The following CLVS1 variants were observed in gnomAD, a reference collection of about 807,000 sequenced individuals.
The protein encoded by CLVS1 is clavesin-1.
A neutral mutation model predicts 33.1 loss-of-function variants in CLVS1; 10 were observed. That is an observed-to-expected ratio of 0.30 (90% CI 0.19 to 0.51). The LOEUF (loss-of-function observed/expected upper bound fraction) is 0.51, where lower values mean the gene tolerates loss of function less well. Ranked by LOEUF, CLVS1 falls within the 20% of genes least tolerant of loss-of-function variation. The pLI, the probability that CLVS1 is intolerant of heterozygous loss-of-function variation, is 0.97. For missense variants in CLVS1, 343 were observed against 433.4 expected, an observed-to-expected ratio of 0.79 and a Z score of 1.85; for synonymous variants, 163 against 166.1, an observed-to-expected ratio of 0.98 and a Z score of 0.14.
chr8:61,162,209 C>T, intron 2 of CLVS1, among the ~76,000 whole-genome samples: 1 of 152,188 alleles, frequency 6.6e-6, no homozygotes, highest in Non-Finnish European at 1.5e-5. Flanking sequence ...TTTCTTCTCC[C>T]CTATGAAGAA....
chr8:61,064,509 G>A (rs1476408127), intron 1 of CLVS1, among the ~76,000 whole-genome samples: 1 of 151,340 alleles, frequency 6.6e-6, no homozygotes, highest in Admixed American at 6.6e-5. Context: ...ATCTTCTTTG[G>A]AGAAATGTCT....
intron 5 of CLVS1, among the ~76,000 whole-genome samples, chr8:61,459,306 ATGAG>A (rs1485604940): frequency 6.6e-6 from 1 of 152,094 alleles, no homozygotes; most frequent in African/African-American, 2.4e-5. Flanking sequence ...AGATTGATAA[ATGAG>A]TATTTTCTCA....
At chr8:61,142,083 C>T (rs1177761299) in intron 2 of CLVS1, among the ~76,000 whole-genome samples, 1 of 152,192 alleles carries the variant, frequency 6.6e-6, no homozygotes, top group African/African-American at 2.4e-5. Flanking sequence ...CTCACAATAG[C>T]CAGTGATATG....
chr8:61,275,264 C>T (rs1241360895), intron 2 of CLVS1, among the ~76,000 whole-genome samples: 1 of 152,078 alleles, frequency 6.6e-6, no homozygotes, highest in Non-Finnish European at 1.5e-5. Flanking sequence ...ATTACTGCTG[C>T]CTTATTCCTG....
chr8:61,442,686 A>G (rs1249026657), intron 3 of CLVS1, among the ~76,000 whole-genome samples: 2 of 151,646 alleles, frequency 1.3e-5, no homozygotes, highest in African/African-American at 4.9e-5. Flanking sequence ...CACAACCTCC[A>G]CCTCCCGGAT....
intron 2 of CLVS1, among the ~76,000 whole-genome samples, chr8:61,260,659 G>C (rs1232239630): frequency 1.3e-5 from 2 of 152,298 alleles, no homozygotes; most frequent in African/African-American, 4.8e-5. Flanking sequence ...TATAAAAGGA[G>C]GAGATAAAGA....
At chr8:61,277,840 A>G (rs912333564) in intron 2 of CLVS1, among the ~76,000 whole-genome samples, 2 of 152,200 alleles carry the variant, frequency 1.3e-5, no homozygotes, top group Non-Finnish European at 2.9e-5. Context: ...CAGCTTATAT[A>G]TCATCTTCGA....
chr8:61,481,605 A>C (rs1818197968), intron 5 of CLVS1, among the ~76,000 whole-genome samples: 1 of 152,220 alleles, frequency 6.6e-6, no homozygotes, highest in Non-Finnish European at 1.5e-5. Context: ...CACTGCTAGC[A>C]CAGCAGTCTG....
chr8:61,003,084 C>T, the CLVS1 span, among the ~76,000 whole-genome samples: 40 of 152,078 alleles, frequency 2.6e-4, no homozygotes, highest in African/African-American at 8.9e-4. Context: ...ATAGAGAGAG[C>T]GGTTTCTGAG....
At chr8:61,336,492 C>T (rs1212135788) in intron 2 of CLVS1, among the ~76,000 whole-genome samples, 1 of 152,136 alleles carries the variant, frequency 6.6e-6, no homozygotes, top group Non-Finnish European at 1.5e-5. Context: ...ACCAGAGAAA[C>T]CTCTGCCCGG....
In CLVS1 at chr8:61,102,598, T is replaced by C. The variant is rs2129286711; in HGVS notation, c.-242-29172T>C. ...CTGGCTGCCTATTATTTTGTGTTTTTGCCTAGTTGCCCTGGCTGAAAATTA... is the reference window on the plus strand; with the variant it reads ...CTGGCTGCCTATTATTTTGTGTTTTCGCCTAGTTGCCCTGGCTGAAAATTA... On this transcript the variant is annotated intron_variant, in intron 1 of 2. Coordinates refer to the CLVS1 transcript ENST00000522621. Among the ~76,000 whole-genome samples, 2 of 152,330 alleles carry C rather than the reference T, an allele frequency of 1.3e-5. 1 individual carries two copies. The highest frequency in any genetic ancestry group is 4.1e-4 in the South Asian group (2 of 4,832).
At chr8:61,354,279 G>C (rs1035491882) in intron 2 of CLVS1, among the ~76,000 whole-genome samples, 3 of 151,910 alleles carry the variant, frequency 2.0e-5, no homozygotes, top group African/African-American at 7.2e-5. Flanking sequence ...ACGCCTACCA[G>C]AATACCTAAA....
the CLVS1 span, among the ~76,000 whole-genome samples, chr8:60,989,253 T>C: frequency 1.3e-5 from 2 of 152,172 alleles, no homozygotes; most frequent in Non-Finnish European, 2.9e-5. Flanking sequence ...TGATCTCGGC[T>C]CACTGCAATC....
At chr8:61,036,769 C>A in the CLVS1 span, among the ~76,000 whole-genome samples, 2 of 152,210 alleles carry the variant, frequency 1.3e-5, no homozygotes, top group Non-Finnish European at 2.9e-5. Flanking sequence ...ACCTTGCTAA[C>A]GTTTGCCATT....
intron 3 of CLVS1, among the ~76,000 whole-genome samples, chr8:61,386,438 T>C (rs140629831): frequency 2.0e-5 from 3 of 152,300 alleles, no homozygotes; most frequent in African/African-American, 7.2e-5. Context: ...CTCTCACATA[T>C]CAAATTTAAA....
intron 3 of CLVS1, among the ~76,000 whole-genome samples, chr8:61,404,232 A>G (rs1478441394): frequency 1.3e-5 from 2 of 152,274 alleles, no homozygotes; most frequent in South Asian, 4.1e-4. Flanking sequence ...CAGAGTTGAC[A>G]TTTCTATCTC....
At chr8:60,991,943 T>A in the CLVS1 span, among the ~76,000 whole-genome samples, 1 of 152,110 alleles carries the variant, frequency 6.6e-6, no homozygotes, top group East Asian at 1.9e-4. Context: ...AGACGGGGTT[T>A]CACCATGTTG....
chr8:61,256,733 C>A (rs1019035370), intron 2 of CLVS1, among the ~76,000 whole-genome samples: 2 of 151,992 alleles, frequency 1.3e-5, no homozygotes, highest in Non-Finnish European at 2.9e-5. Context: ...TTGTTCTGAC[C>A]ATTGTTATTA....
chr8:61,342,230 A>G (rs146100572), intron 2 of CLVS1, among the ~76,000 whole-genome samples: 1 of 152,224 alleles, frequency 6.6e-6, no homozygotes, highest in East Asian at 1.9e-4. Context: ...AGGATGAGAA[A>G]CATCTCCCCA....
Sources: allele counts gnomAD v4.1 joint callset (sites outside exome capture counted in the v4.1 genomes callset), GRCh38; gene constraint gnomAD v4.1.1; transcripts MANE v1.5; gene names NCBI Gene and HGNC (gene_info 2026-07-23, HGNC 2026-07-21).